The following KCNIP1 variants were observed in gnomAD, a reference collection of about 807,000 sequenced individuals.
KCNIP1 encodes potassium voltage-gated channel interacting protein 1, also known as A-type potassium channel modulatory protein KCNIP1.
A neutral mutation model predicts 33.0 loss-of-function variants in KCNIP1; 18 were observed. The observed-to-expected ratio is 0.55, with a 90% confidence interval of 0.38 to 0.81. The LOEUF (loss-of-function observed/expected upper bound fraction) is 0.81, where lower values mean the gene tolerates loss of function less well. Among genes scored for constraint, KCNIP1 ranks in the 30% least tolerant of loss-of-function variants. KCNIP1 has a pLI of 0.00. For missense variants in KCNIP1, 238 were observed against 271.6 expected, an observed-to-expected ratio of 0.88 and a Z score of 0.87; for synonymous variants, 93 against 98.3, an observed-to-expected ratio of 0.95 and a Z score of 0.32.
chr5:170,552,369 T>C (rs1756678030), intron 1 of KCNIP1, among the ~76,000 whole-genome samples: 1 of 152,136 alleles, frequency 6.6e-6, no homozygotes, highest in African/African-American at 2.4e-5. Flanking sequence ...GCTCTGACAG[T>C]GGGCATGGGT....
intron 1 of KCNIP1, among the ~76,000 whole-genome samples, chr5:170,425,919 A>G (rs1288738463): frequency 6.6e-6 from 1 of 152,228 alleles, no homozygotes; most frequent in Non-Finnish European, 1.5e-5. Context: ...CCATGGGGAC[A>G]GCTTCCTGGT....
chr5:170,608,747 G>A (rs1759030567), intron 1 of KCNIP1, among the ~76,000 whole-genome samples: 1 of 143,470 alleles, frequency 7.0e-6, no homozygotes, highest in African/African-American at 2.5e-5. Flanking sequence ...TGGGCGACAG[G>A]GTGAAACTGT....
At chr5:170,564,665 G>T (rs1423803495) in intron 1 of KCNIP1, among the ~76,000 whole-genome samples, 1 of 152,158 alleles carries the variant, frequency 6.6e-6, no homozygotes, top group African/African-American at 2.4e-5. Context: ...ACGTGGTATT[G>T]TTCTTGCCAT....
At chr5:170,628,709 G>A (rs1412109508) in intron 1 of KCNIP1, among the ~76,000 whole-genome samples, 1 of 152,202 alleles carries the variant, frequency 6.6e-6, no homozygotes, top group African/African-American at 2.4e-5. Flanking sequence ...TGGTTGTCCT[G>A]CGAAGACACC....
chr5:170,656,493 C>T (rs564368406), intron 1 of KCNIP1, among the ~76,000 whole-genome samples: 1 of 152,198 alleles, frequency 6.6e-6, no homozygotes, highest in Non-Finnish European at 1.5e-5. Flanking sequence ...TCAGGGCCCC[C>T]CAGTGTGAGC....
intron 1 of KCNIP1, chr5:170,389,514 C>T (rs1438745916): frequency 6.6e-6 from 1 of 152,252 alleles, no homozygotes; most frequent in East Asian, 1.9e-4. Context: ...TTACCCAAGC[C>T]CTGCACCTCC....
chr5:170,536,120 A>T (rs1755974965), intron 1 of KCNIP1, among the ~76,000 whole-genome samples: 1 of 152,274 alleles, frequency 6.6e-6, no homozygotes, highest in South Asian at 2.1e-4. Flanking sequence ...TTTAATAAAA[A>T]CAAAGCCATC....
In KCNIP1 at chr5:170,679,024, A is replaced by G. The variant is rs1244702358; in HGVS notation, c.62-39734A>G. On this transcript the variant is annotated intron_variant, in intron 1 of 7. Coordinates refer to ENST00000328939, the MANE Select transcript of KCNIP1 (RefSeq NM_014592.4). ...TTAAGCCCAGTGGGTTAATTATTAC[A>G]CTTGCTAGGGCCCCAGAGGAGAGGA... is the stretch of plus-strand genomic sequence containing the variant. 2.6e-5 allele frequency: 4 copies of G among 152,212 alleles called. No individual in the cohort carries two copies. In the South Asian group the frequency reaches 8.3e-4, roughly 32 times the overall value. 9.4% of individuals were successfully genotyped at this position (152,212 alleles called of 1,614,324 possible). A position where few individuals can be genotyped will look rare whatever the true frequency, so the allele number is the denominator to read the frequency against.
chr5:170,501,998 C>T (rs73313424), upstream of KCNIP1, among the ~76,000 whole-genome samples: 2,374 of 152,308 alleles, frequency 0.016, 73 homozygotes, highest in African/African-American at 0.054. Context: ...TCTGGTGGGA[C>T]CCCCAGCAGG....
chr5:170,585,283 A>G (rs1757945370), intron 1 of KCNIP1, among the ~76,000 whole-genome samples: 1 of 152,152 alleles, frequency 6.6e-6, no homozygotes, highest in Non-Finnish European at 1.5e-5. Context: ...CTCATTTTTC[A>G]GAGGGGGGGA....
At chr5:170,551,893 C>CGAGTGTGT (rs1457727145) in intron 1 of KCNIP1, among the ~76,000 whole-genome samples, 1 of 150,602 alleles carries the variant, frequency 6.6e-6, no homozygotes, top group East Asian at 2.0e-4. Context: ...TGAATGTGTA[C>CGAGTGTGT]GAGTGTGTGA....
chr5:170,465,085 A>G (rs1209431270), intron 1 of KCNIP1, among the ~76,000 whole-genome samples: 1 of 152,214 alleles, frequency 6.6e-6, no homozygotes, highest in Non-Finnish European at 1.5e-5. Flanking sequence ...GGGATCCTTC[A>G]GGAACATGAG....
At chr5:170,549,922 G>T (rs1756547009) in intron 1 of KCNIP1, among the ~76,000 whole-genome samples, 1 of 152,170 alleles carries the variant, frequency 6.6e-6, no homozygotes, top group South Asian at 2.1e-4. Flanking sequence ...GGATTATAGA[G>T]AAAGTAAGAT....
intron 1 of KCNIP1, among the ~76,000 whole-genome samples, chr5:170,672,311 G>A (rs1405496140): frequency 1.3e-5 from 2 of 152,222 alleles, no homozygotes; most frequent in East Asian, 3.9e-4. Flanking sequence ...GCATGGAAGG[G>A]ACTGGCATGG....
intron 1 of KCNIP1, among the ~76,000 whole-genome samples, chr5:170,711,853 A>T (rs1581531991): frequency 8.7e-6 from 1 of 114,714 alleles, no homozygotes; most frequent in African/African-American, 4.2e-5. Flanking sequence ...ACTCCAATGG[A>T]TGCCCACCTA....
At chr5:170,633,670 GTGGGCGGA>G (rs1760151516) in intron 1 of KCNIP1, among the ~76,000 whole-genome samples, 1 of 133,306 alleles carries the variant, frequency 7.5e-6, no homozygotes, top group Admixed American at 7.5e-5. Context: ...AGAGATGGCG[GTGGGCGGA>G]AGGAGGGGGC....
intron 1 of KCNIP1, among the ~76,000 whole-genome samples, chr5:170,358,983 T>G (rs1420203901): frequency 6.6e-6 from 1 of 152,158 alleles, no homozygotes; most frequent in African/African-American, 2.4e-5. Flanking sequence ...ATTCTGTTGG[T>G]GGGTTTTTCC....
At chr5:170,475,093 A>G (rs374990642) in intron 1 of KCNIP1, among the ~76,000 whole-genome samples, 1 of 152,104 alleles carries the variant, frequency 6.6e-6, no homozygotes, top group South Asian at 2.1e-4. Context: ...CAGAGTGCTG[A>G]TTGGTGCATT....
At chr5:170,515,170 T>G (rs866742888) in intron 1 of KCNIP1, among the ~76,000 whole-genome samples, 1 of 152,210 alleles carries the variant, frequency 6.6e-6, no homozygotes, top group Admixed American at 6.5e-5. Flanking sequence ...CAGGCCTCAC[T>G]CATTTCCTAG....
Sources: gnomAD v4.1 joint callset for allele counts (sites outside exome capture counted in the v4.1 genomes callset) on GRCh38, gnomAD v4.1.1 for gene constraint, MANE v1.5 for transcripts, NCBI Gene and HGNC (gene_info 2026-07-23, HGNC 2026-07-21) for gene names.